CCDC178: variants seen among roughly 807,000 people sequenced by gnomAD.
CCDC178 encodes the protein coiled-coil domain containing 178.
CCDC178 carries 126 observed loss-of-function variants against 117.4 expected under a neutral mutation model. The ratio of observed to expected loss-of-function variants is 1.07; its 90% CI spans 0.93 to 1.24. The LOEUF is 1.24. CCDC178 is among the 50% of genes most tolerant of loss of function. CCDC178 has a pLI of 0.00. For synonymous variants in CCDC178, 283 were observed against 313.4 expected (o/e 0.90, Z 1.02); for missense variants, 1,030 against 986.9 (o/e 1.04, Z -0.59).
At chr18:33,237,865 C>G (rs911227373) in intron 15 of CCDC178, among the ~76,000 whole-genome samples, 1 of 152,186 alleles carries the variant, frequency 6.6e-6, no homozygotes, top group African/African-American at 2.4e-5. Flanking sequence ...TACTTCCAGA[C>G]AGAGTAACAG....
chr18:33,194,255 T>C (rs2058898093), intron 20 of CCDC178, among the ~76,000 whole-genome samples: 1 of 152,142 alleles, frequency 6.6e-6, no homozygotes. Flanking sequence ...AGATAATCTT[T>C]ATAACTATAT....
chr18:33,052,145 T>A (rs939952045), intron 21 of CCDC178, among the ~76,000 whole-genome samples: 1 of 152,146 alleles, frequency 6.6e-6, no homozygotes, highest in African/African-American at 2.4e-5. Context: ...AAGAAGCTAA[T>A]GGCAAATGTT....
At chr18:33,024,912 C>A (rs1428837743) in intron 21 of CCDC178, among the ~76,000 whole-genome samples, 2 of 151,978 alleles carry the variant, frequency 1.3e-5, no homozygotes, top group Non-Finnish European at 2.9e-5. Flanking sequence ...TGGCCTCCCC[C>A]AAAGTGCTGG....
chr18:33,183,038 G>C lies in CCDC178; in HGVS notation c.2238+28858C>G, dbSNP rs377350582. 3.3e-5 allele frequency among the ~76,000 whole-genome samples: 5 copies of C among 151,918 alleles called. No individual in the cohort carries two copies. The East Asian group carries it at 9.7e-4, about 29-fold the overall frequency. ...CTATTTATTTCTACATTATCTACCA[G>C]TTACTTTATTTTTCTATCTTGATAA... On this transcript the variant is annotated intron_variant, in intron 20 of 22. Coordinates refer to ENST00000383096, the MANE Select transcript of CCDC178 (RefSeq NM_001105528.4).
intron 22 of CCDC178, among the ~76,000 whole-genome samples, chr18:32,949,581 A>G (rs571124291): frequency 3.9e-5 from 6 of 152,208 alleles, no homozygotes; most frequent in East Asian, 1.9e-4. Context: ...TAGAAGTTCA[A>G]TTGGGTCCTT....
chr18:33,244,112 C>T (rs1460533220), intron 15 of CCDC178, among the ~76,000 whole-genome samples: 1 of 151,920 alleles, frequency 6.6e-6, no homozygotes, highest in African/African-American at 2.4e-5. Flanking sequence ...GGGAAAAACA[C>T]CCCAATCTTT....
chr18:33,198,359 C>T (rs2058956813), intron 20 of CCDC178, among the ~76,000 whole-genome samples: 1 of 152,162 alleles, frequency 6.6e-6, no homozygotes, highest in African/African-American at 2.4e-5. Flanking sequence ...TAACTAAAAA[C>T]AATTTCCTGG....
chr18:32,997,976 C>G (rs2055552320), intron 21 of CCDC178, among the ~76,000 whole-genome samples: 1 of 152,182 alleles, frequency 6.6e-6, no homozygotes, highest in Admixed American at 6.5e-5. Context: ...TCAAATTGAA[C>G]AACTATCCAC....
chr18:33,148,849 G>A (rs548809665), intron 20 of CCDC178, among the ~76,000 whole-genome samples: 1 of 152,240 alleles, frequency 6.6e-6, no homozygotes, highest in Non-Finnish European at 1.5e-5. Flanking sequence ...AAACATTTTT[G>A]TAACCAGAAG....
At chr18:33,019,683 T>A (rs1205658672) in intron 21 of CCDC178, among the ~76,000 whole-genome samples, 1 of 152,078 alleles carries the variant, frequency 6.6e-6, no homozygotes, top group African/African-American at 2.4e-5. Flanking sequence ...GTTACTTCCT[T>A]CCATGTTACA....
chr18:33,062,993 G>A (rs893118409), intron 21 of CCDC178, among the ~76,000 whole-genome samples: 14 of 152,288 alleles, frequency 9.2e-5, no homozygotes, highest in African/African-American at 3.1e-4. Context: ...GCATTCAGCA[G>A]AGCCTGATAG....
intron 20 of CCDC178, among the ~76,000 whole-genome samples, chr18:33,200,074 C>T (rs1054725041): frequency 8.5e-5 from 13 of 152,238 alleles, no homozygotes; most frequent in African/African-American, 3.1e-4. Context: ...TTTCATCTCA[C>T]TAGAACTTCA....
chr18:33,336,976 T>C (rs2062748958), intron 9 of CCDC178, among the ~76,000 whole-genome samples: 1 of 152,030 alleles, frequency 6.6e-6, no homozygotes, highest in African/African-American at 2.4e-5. Context: ...TGAATTTGTA[T>C]GTTGCTTTTG....
intron 22 of CCDC178, among the ~76,000 whole-genome samples, chr18:32,959,690 C>T (rs577011397): frequency 7.2e-5 from 11 of 152,066 alleles, no homozygotes; most frequent in Admixed American, 6.6e-4. Context: ...GTTAATCTCA[C>T]ATCAAAGCAG....
At chr18:32,979,667 A>G (rs1197416743) in intron 21 of CCDC178, among the ~76,000 whole-genome samples, 1 of 152,212 alleles carries the variant, frequency 6.6e-6, no homozygotes. Flanking sequence ...GTCATGGACA[A>G]ATCAGTTTTC....
At chr18:33,185,499 T>C (rs1228616907) in intron 20 of CCDC178, among the ~76,000 whole-genome samples, 2 of 152,192 alleles carry the variant, frequency 1.3e-5, no homozygotes, top group African/African-American at 4.8e-5. Flanking sequence ...GTATCTGGTT[T>C]ATATTAGCTA....
intron 12 of CCDC178, among the ~76,000 whole-genome samples, chr18:33,283,789 C>T (rs79945524): frequency 5.3e-5 from 8 of 152,218 alleles, no homozygotes; most frequent in South Asian, 2.1e-4. Context: ...GAAAAAGGAA[C>T]GCTTATACAC....
chr18:33,324,890 G>GA (rs1378247938), intron 10 of CCDC178, among the ~76,000 whole-genome samples: 2 of 151,684 alleles, frequency 1.3e-5, no homozygotes. Context: ...TGAAAGTATG[G>GA]AAAAAAACTT....
intron 12 of CCDC178, among the ~76,000 whole-genome samples, chr18:33,270,893 A>G (rs185756290): frequency 1.1e-4 from 17 of 151,696 alleles, no homozygotes; most frequent in African/African-American, 4.1e-4. Flanking sequence ...AATTGCATAA[A>G]GCAGTAATTG....
Sources: gnomAD v4.1 joint callset for allele counts (sites outside exome capture counted in the v4.1 genomes callset) on GRCh38, gnomAD v4.1.1 for gene constraint, MANE v1.5 for transcripts, NCBI Gene and HGNC (gene_info 2026-07-23, HGNC 2026-07-21) for gene names.